The following CAP2 variants were observed in gnomAD, a reference collection of about 807,000 sequenced individuals.
CAP2 encodes the protein cyclase associated actin cytoskeleton regulatory protein 2, also known as adenylyl cyclase-associated protein 2.
A neutral mutation model predicts 57.7 loss-of-function variants in CAP2; 24 were observed. The observed-to-expected ratio is 0.42, with a 90% CI of 0.30 to 0.58. The LOEUF is 0.58. Among genes scored for constraint, CAP2 ranks in the 20% least tolerant of loss-of-function variants. The probability of loss-of-function intolerance (pLI) is 0.22; values close to 1 mark genes in which losing one functional copy is unlikely to be tolerated. For missense variants in CAP2, 501 were observed against 590.3 expected, an observed-to-expected ratio of 0.85 and a Z score of 1.57; for synonymous variants, 194 against 207.2, an observed-to-expected ratio of 0.94 and a Z score of 0.55.
chr6:17,545,729 A>G (rs1333489659), intron 11 of CAP2, among the ~76,000 whole-genome samples: 1 of 152,040 alleles, frequency 6.6e-6, no homozygotes, highest in Non-Finnish European at 1.5e-5. Flanking sequence ...CCAGAGTGTG[A>G]TGTTCCCCTT....
intron 3 of CAP2, among the ~76,000 whole-genome samples, chr6:17,438,334 C>A (rs1173034229): frequency 7.3e-6 from 1 of 137,636 alleles, no homozygotes; most frequent in Non-Finnish European, 1.5e-5. Context: ...CCACTGCACT[C>A]CAACCTGGGC....
intron 4 of CAP2, 25 bp from the exon 5 acceptor site, chr6:17,507,143 AG>A: frequency 1.2e-6 from 2 of 1,614,058 alleles, no homozygotes; most frequent in Non-Finnish European, 1.7e-6. Context: ...CTGTAGTAAA[AG>A]CCCCCGATGT....
intron 4 of CAP2, among the ~76,000 whole-genome samples, chr6:17,501,670 C>CT (rs1387278067): frequency 6.6e-6 from 1 of 152,140 alleles, no homozygotes; most frequent in Admixed American, 6.5e-5. Context: ...GGTAAAGTTT[C>CT]TACAAAGCTT....
At chr6:17,531,730 G>A (rs556656717) in intron 7 of CAP2, 3 of 616,606 alleles carry the variant, frequency 4.9e-6, no homozygotes, top group Non-Finnish European at 8.5e-6. Flanking sequence ...GGAGATCAAT[G>A]TCGTCTATAT....
intron 4 of CAP2, among the ~76,000 whole-genome samples, chr6:17,477,582 T>A (rs1761182943): frequency 1.3e-5 from 2 of 152,148 alleles, no homozygotes; most frequent in African/African-American, 4.8e-5. Flanking sequence ...CTAATTACTT[T>A]TTACAGTAAG....
At chr6:17,422,516 A>AT (rs1469122350) in intron 2 of CAP2, among the ~76,000 whole-genome samples, 10 of 151,724 alleles carry the variant, frequency 6.6e-5, no homozygotes, top group African/African-American at 2.2e-4. Flanking sequence ...CGCCCAGCTA[A>AT]TTTTTTGTAT....
chr6:17,521,887 T>C (rs9477467), intron 7 of CAP2, among the ~76,000 whole-genome samples: 3,250 of 152,174 alleles, frequency 0.021, 124 homozygotes, highest in African/African-American at 0.074. Context: ...GGCGGGTAGA[T>C]CACCTAAGGT....
chr6:17,514,480 G>C (rs768529992), intron 7 of CAP2, among the ~76,000 whole-genome samples: 1 of 151,470 alleles, frequency 6.6e-6, no homozygotes, highest in East Asian at 2.0e-4. Flanking sequence ...GGGCGCAGTG[G>C]CTCTCACGCC....
intron 6 of CAP2, among the ~76,000 whole-genome samples, chr6:17,510,206 T>G (rs1762110780): frequency 1.3e-5 from 2 of 152,158 alleles, no homozygotes; most frequent in Admixed American, 6.5e-5. Flanking sequence ...TGGGGGGTGA[T>G]GAATTATGTT....
At chr6:17,506,224 T>G (rs1275252250) in intron 4 of CAP2, among the ~76,000 whole-genome samples, 1 of 152,162 alleles carries the variant, frequency 6.6e-6, no homozygotes, top group African/African-American at 2.4e-5. Context: ...GAAAGTTATT[T>G]TTGTATGAAT....
intron 4 of CAP2, among the ~76,000 whole-genome samples, chr6:17,506,668 C>T (rs1259268689): frequency 6.6e-6 from 1 of 151,634 alleles, no homozygotes; most frequent in Non-Finnish European, 1.5e-5. Flanking sequence ...GGGGAGGCCT[C>T]AGTGAAAGAT....
chr6:17,520,363 G>T (rs1268595229), intron 7 of CAP2, among the ~76,000 whole-genome samples: 6 of 152,112 alleles, frequency 3.9e-5, no homozygotes, highest in Non-Finnish European at 8.8e-5. Flanking sequence ...GCCTGCCTTG[G>T]CCTCCCTAAG....
chr6:17,484,062 T>C (rs1399045857), intron 4 of CAP2, among the ~76,000 whole-genome samples: 3 of 151,998 alleles, frequency 2.0e-5, no homozygotes, highest in Non-Finnish European at 4.4e-5. Flanking sequence ...CAGCCTGAGA[T>C]GAGAACTATT....
intron 7 of CAP2, among the ~76,000 whole-genome samples, chr6:17,521,475 A>G (rs1368575890): frequency 2.0e-5 from 3 of 152,184 alleles, no homozygotes; most frequent in Non-Finnish European, 4.4e-5. Context: ...ACAGGTAGAT[A>G]GTAAAGTTAG....
At chr6:17,486,827 C>G (rs1761431117) in intron 4 of CAP2, among the ~76,000 whole-genome samples, 1 of 152,192 alleles carries the variant, frequency 6.6e-6, no homozygotes, top group Admixed American at 6.5e-5. Context: ...TGCTGGAACC[C>G]TCATTCCGTG....
chr6:17,396,823 T>G (rs1273108987), intron 1 of CAP2, among the ~76,000 whole-genome samples: 4 of 152,182 alleles, frequency 2.6e-5, no homozygotes, highest in Admixed American at 1.3e-4. Flanking sequence ...GTGAATTACA[T>G]CTCAATAAAA....
intron 4 of CAP2, among the ~76,000 whole-genome samples, chr6:17,501,360 T>A (rs1206536045): frequency 1.3e-5 from 2 of 152,250 alleles, no homozygotes; most frequent in Admixed American, 6.5e-5. Flanking sequence ...TTAGCACTAC[T>A]TTTTTTCCAT....
intron 3 of CAP2, among the ~76,000 whole-genome samples, chr6:17,440,614 G>GTGTGT (rs1554122866): frequency 0.33 from 47,234 of 141,368 alleles, 8,492 homozygotes; most frequent in East Asian, 0.58. Context: ...AACTGTGTGT[G>GTGTGT]GTGTGTGTGT....
chr6:17,499,366 T>C (rs1425972152), intron 4 of CAP2, among the ~76,000 whole-genome samples: 1 of 122,582 alleles, frequency 8.2e-6, no homozygotes, highest in African/African-American at 3.2e-5. Context: ...GCCATTGCAC[T>C]CCAGCCTGGG....
Sources: gnomAD v4.1 joint callset for allele counts (sites outside exome capture counted in the v4.1 genomes callset) on GRCh38, gnomAD v4.1.1 for gene constraint, MANE v1.5 for transcripts, NCBI Gene and HGNC (gene_info 2026-07-23, HGNC 2026-07-21) for gene names.